The following CSPG5 variants were observed in gnomAD, a reference collection of about 807,000 sequenced individuals.
CSPG5 encodes the protein chondroitin sulfate proteoglycan 5.
Under a neutral mutation model 39.8 loss-of-function variants are expected in CSPG5, and 25 were observed. The ratio of observed to expected loss-of-function variants is 0.63; its 90% CI spans 0.46 to 0.88. The LOEUF is 0.88. Among genes scored for constraint, CSPG5 ranks in the 40% least tolerant of loss-of-function variants. CSPG5 has a pLI of 0.00. For missense variants in CSPG5, 627 were observed against 702.2 expected, an observed-to-expected ratio of 0.89 and a Z score of 1.21; for synonymous variants, 295 against 303.9, an observed-to-expected ratio of 0.97 and a Z score of 0.31.
At chr3:47,569,558 C>G (rs577367762) in intron 3 of CSPG5, among the ~76,000 whole-genome samples, 3 of 151,440 alleles carry the variant, frequency 2.0e-5, no homozygotes, top group South Asian at 4.2e-4. Context: ...GAGCCAAGAT[C>G]GTGCCACTGC....
At chr3:47,573,827 C>A (rs990403142) in intron 2 of CSPG5, among the ~76,000 whole-genome samples, 3 of 152,162 alleles carry the variant, frequency 2.0e-5, no homozygotes, top group Admixed American at 6.5e-5. Flanking sequence ...TCCAACTGAG[C>A]CTCTGCCGTC....
chr3:47,575,968 G>A (rs12636198), intron 2 of CSPG5, among the ~76,000 whole-genome samples: 37,375 of 127,444 alleles, frequency 0.29, 5,602 homozygotes, highest in South Asian at 0.43. Context: ...ACAGAGTTTC[G>A]CTCTTGCTGC....
intron 4 of CSPG5, 128 bp from the exon 5 acceptor site, chr3:47,562,889 A>T: frequency 1.0e-6 from 1 of 998,896 alleles, no homozygotes; most frequent in Non-Finnish European, 1.4e-6. Flanking sequence ...ACTTGAATGA[A>T]CTAAAAGGAA....
At chr3:47,573,114 G>C (rs1159392287) in intron 2 of CSPG5, among the ~76,000 whole-genome samples, 2 of 152,236 alleles carry the variant, frequency 1.3e-5, no homozygotes, top group Non-Finnish European at 2.9e-5. Flanking sequence ...GGTAACCGAG[G>C]TGTAGAGAAA....
At position 47,572,188 on chromosome 3, in the gene CSPG5, C is replaced by T. The variant is rs1161252887; in HGVS notation, c.1382+498G>A. 6.6e-6 allele frequency among the ~76,000 whole-genome samples: 1 copy of T among 152,200 alleles called. No homozygotes were observed. Among genetic ancestry groups the T allele is most frequent in the Non-Finnish European group, 1.5e-5 (1 of 68,036 alleles). On this transcript the variant is annotated intron_variant, in intron 3 of 4. Transcript: ENST00000264723. This position sits in a 1 kb window ranked among gnomAD's most constrained non-coding sequence, Gnocchi z 4.5. ...TTTCAAAAAGCAATGCAGTGTGGTG[C>T]TAAATAAACCCTTTCTCCTCAGTGT...
rs1296316274 is a variant in CSPG5, at chr3:47,578,309, AGGCCCCGCCCCGGCCCCGCCCC to A, written c.97+266_97+287del. Among the ~76,000 whole-genome samples, 3 of 138,442 alleles carry A rather than the reference AGGCCCCGCCCCGGCCCCGCCCC, an allele frequency of 2.2e-5. No homozygotes were observed. Among genetic ancestry groups the A allele is most frequent in the Non-Finnish European group, 4.7e-5 (3 of 63,572 alleles). 90.8% of individuals were successfully genotyped at this position (138,442 alleles called of 152,430 possible). A position where few individuals can be genotyped will look rare whatever the true frequency, so the allele number is the denominator to read the frequency against. On this transcript the variant is annotated intron_variant, in intron 1 of 4. Coordinates refer to ENST00000264723, the MANE Select transcript of CSPG5 (RefSeq NM_006574.4). The surrounding 1 kb of genome is among the most constrained non-coding windows in gnomAD (Gnocchi z 6.0). Reference sequence around the variant, plus strand: ...GGTCCCGCCCCGAAGTCTCACCCTCAGGCCCCGCCCCGGCCCCGCCCCGGCCCCGCCCCCGGCCCCGCCCCCA... The same window carrying A: ...GGTCCCGCCCCGAAGTCTCACCCTCAGGCCCCGCCCCCGGCCCCGCCCCCA...
At chr3:47,564,074 C>T (rs979125027) in intron 4 of CSPG5, among the ~76,000 whole-genome samples, 2 of 152,206 alleles carry the variant, frequency 1.3e-5, no homozygotes, top group African/African-American at 4.8e-5. Flanking sequence ...TGATAGAAGA[C>T]AGTGTGTAAC....
In CSPG5 at chr3:47,576,819, T is replaced by C; in HGVS notation, c.1193+14A>G. Reference sequence around the variant, plus strand: ...TCTTCAGTGTCCCTATGCACCTGCCTGCCATGCCCTTACCTGCAGAAGGCC... The same window carrying C: ...TCTTCAGTGTCCCTATGCACCTGCCCGCCATGCCCTTACCTGCAGAAGGCC... On this transcript the variant is annotated intron_variant, in intron 2 of 4. Transcript: ENST00000264723. The C allele has an allele frequency of 1.3e-6, 2 of 1,536,564 alleles. No individual in the cohort carries two copies. Among genetic ancestry groups the C allele is most frequent in the South Asian group, 2.6e-5 (2 of 78,404 alleles).
chr3:47,572,570 G>A lies in CSPG5; in HGVS notation c.1382+116C>T, dbSNP rs2031562510. On this transcript the variant is annotated intron_variant, in intron 3 of 4. Transcript: ENST00000264723. The surrounding 1 kb of genome is among the most constrained non-coding windows in gnomAD (Gnocchi z 4.5). ...CACAGACAAAACAGCTGGGAATGGAGCACAGGTGCCAGAAACCCTCACGAC... is the reference window on the plus strand; with the variant it reads ...CACAGACAAAACAGCTGGGAATGGAACACAGGTGCCAGAAACCCTCACGAC... The A allele has an allele frequency of 2.3e-6, 2 of 854,374 alleles. No homozygotes were observed. The highest frequency in any genetic ancestry group is 1.9e-6 in the Non-Finnish European group (1 of 525,252). 52.9% of individuals were successfully genotyped at this position (854,374 alleles called of 1,614,324 possible). A position where few individuals can be genotyped will look rare whatever the true frequency, so the allele number is the denominator to read the frequency against.
chr3:47,569,082 C>T (rs150574744), intron 4 of CSPG5, 70 bp downstream of exon 4: 25,481 of 1,530,262 alleles, frequency 0.017, 239 homozygotes, highest in Non-Finnish European at 0.02. Flanking sequence ...TGACAGATAA[C>T]GTTATCATAG....
At chr3:47,570,514 CT>C (rs71281899) in intron 3 of CSPG5, among the ~76,000 whole-genome samples, 220 of 145,086 alleles carry the variant, frequency 1.5e-3, no homozygotes, top group Middle Eastern at 3.5e-3. Context: ...TCACCTAGAG[CT>C]TTTTTTTTTT....
chr3:47,573,966 G>T (rs1285187954), intron 2 of CSPG5, among the ~76,000 whole-genome samples: 2 of 152,218 alleles, frequency 1.3e-5, no homozygotes, highest in African/African-American at 4.8e-5. Context: ...GGGTGACAGA[G>T]ACAAAGGCAC....
chr3:47,563,432 G>A (rs11916421), intron 4 of CSPG5, among the ~76,000 whole-genome samples: 1,727 of 152,288 alleles, frequency 0.011, 35 homozygotes, highest in African/African-American at 0.039. Context: ...CATGATATTC[G>A]TACTGCTGAT....
At chr3:47,574,781 T>C (rs2108204909) in intron 2 of CSPG5, among the ~76,000 whole-genome samples, 1 of 152,024 alleles carries the variant, frequency 6.6e-6, no homozygotes. Flanking sequence ...TTACTAAAAA[T>C]ACAAAAAATT....
chr3:47,562,749 C>T lies in CSPG5; in HGVS notation c.1471G>A (p.Ala491Thr). The change falls in exon 5 of 5, where the codon GCT (alanine) becomes ACT (threonine). Residue 491 changes from alanine to threonine, a missense_variant. Coordinates refer to ENST00000264723, the MANE Select transcript of CSPG5 (RefSeq NM_006574.4). ...EGSHPNDDPS[A>T]PHKIQEVLKS... ...AGAACCTCCTGGATTTTGTGGGGAG[C>T]ACTAGGATCATCCTGGAAGAGGGAA... 1 of 1,612,580 alleles carries T rather than the reference C, an allele frequency of 6.2e-7. No homozygotes were observed. The highest frequency in any genetic ancestry group is 8.5e-7 in the Non-Finnish European group (1 of 1,179,510).
chr3:47,574,436 C>A lies in CSPG5; in HGVS notation c.1194-1562G>T, dbSNP rs373569277. ...GAAATCATCACTATAGTCCCCCAAA[C>A]TGAATTTTGAGGAGCAAAATCACAG... On this transcript the variant is annotated intron_variant, in intron 2 of 4. Transcript: ENST00000264723. Among the ~76,000 whole-genome samples, 366 of 152,332 alleles carry A rather than the reference C, an allele frequency of 2.4e-3. 1 individual carries two copies. Among genetic ancestry groups the A allele is most frequent in the African/African-American group, 5.2e-3 (215 of 41,568 alleles).
Position 47,572,774 on chromosome 3 carries a change from C to T in CSPG5, c.1294G>A (p.Val432Ile), listed in dbSNP as rs770563427. The change falls in exon 3 of 5, where the codon GTC becomes ATC. Residue 432 changes from valine to isoleucine, a missense_variant. Transcript: ENST00000264723. This position sits in a 1 kb window ranked among gnomAD's most constrained non-coding sequence, Gnocchi z 4.5. ...GTCATCATGAAGAGCAGGAGCAGGACGAGGGCAGCCGAGCCCACGGCCACG... is the reference window on the plus strand; with the variant it reads ...GTCATCATGAAGAGCAGGAGCAGGATGAGGGCAGCCGAGCCCACGGCCACG... ...MCVAVGSAAL[V>I]LLLLFMMTVF... The T allele has an allele frequency of 6.4e-5, 104 of 1,614,050 alleles. No homozygotes were observed. Among genetic ancestry groups the T allele is most frequent in the South Asian group, 2.2e-4 (20 of 91,086 alleles).
intron 4 of CSPG5, among the ~76,000 whole-genome samples, chr3:47,568,359 C>T (rs1460212869): frequency 6.6e-6 from 1 of 152,182 alleles, no homozygotes; most frequent in African/African-American, 2.4e-5. Context: ...CCAGGCAATA[C>T]ACTAGGCCAG....
Position 47,577,690 on chromosome 3 carries a change from G to T in CSPG5, c.336C>A (p.Thr112=), listed in dbSNP as rs1336636010. Residue 112 remains threonine (T), a synonymous_variant, in exon 2 of 5, where the codon ACC becomes ACA. Transcript: ENST00000264723. This position sits in a 1 kb window ranked among gnomAD's most constrained non-coding sequence, Gnocchi z 4.7. ...GGGCATCGCCGCTGCCCGCCTCTGCGGTCACTCCTCCCAGGCCTGGGCTGT... is the reference window on the plus strand; with the variant it reads ...GGGCATCGCCGCTGCCCGCCTCTGCTGTCACTCCTCCCAGGCCTGGGCTGT... The part of the protein sequence containing the change: ...EADSPGLGGV[T]AEAGSGDAQA... 6.3e-7 allele frequency: 1 copy of T among 1,592,408 alleles called. No homozygotes were observed. The highest frequency in any genetic ancestry group is 8.5e-7 in the Non-Finnish European group (1 of 1,172,476).
Sources: gnomAD v4.1 joint callset for allele counts (sites outside exome capture counted in the v4.1 genomes callset) on GRCh38, gnomAD v4.1.1 for gene constraint, Gnocchi (gnomAD v3.1) non-coding constraint, MANE v1.5 for transcripts, NCBI Gene and HGNC (gene_info 2026-07-23, HGNC 2026-07-21) for gene names.